The following KCNK1 variants were observed in gnomAD, a reference collection of about 807,000 sequenced individuals.
The protein encoded by KCNK1 is potassium two pore domain channel subfamily K member 1, also known as potassium channel subfamily K member 1.
In KCNK1, 10 loss-of-function variants were observed where a neutral mutation model predicts 22.2. That is an observed-to-expected ratio of 0.45 (90% CI 0.28 to 0.76). The LOEUF is 0.76. KCNK1 is among the 30% of genes least tolerant of loss of function. KCNK1 has a pLI of 0.14. For synonymous variants in KCNK1, 200 were observed against 186.4 expected, an observed-to-expected ratio of 1.07 and a Z score of -0.60; for missense variants, 378 against 421.0, an observed-to-expected ratio of 0.90 and a Z score of 0.89.
At chr1:233,651,027 C>T (rs1262268551) in intron 1 of KCNK1, among the ~76,000 whole-genome samples, 2 of 152,178 alleles carry the variant, frequency 1.3e-5, no homozygotes, top group Admixed American at 1.3e-4. Context: ...TTTAGGACTA[C>T]TTTGCTTTCT....
chr1:233,649,816 G>A (rs1658167125), intron 1 of KCNK1: 1 of 382,340 alleles, frequency 2.6e-6, no homozygotes, highest in Non-Finnish European at 5.4e-6. Context: ...GAAGTTGGGG[G>A]AACACAAACA....
chr1:233,636,695 G>A (rs1309340593), intron 1 of KCNK1: 1 of 152,636 alleles, frequency 6.6e-6, no homozygotes, highest in East Asian at 1.9e-4. Flanking sequence ...TATCTGAACA[G>A]GGAGGAATCG....
intron 1 of KCNK1, among the ~76,000 whole-genome samples, chr1:233,617,131 A>G (rs1229401708): frequency 1.3e-5 from 2 of 152,130 alleles, no homozygotes; most frequent in Admixed American, 6.5e-5. Context: ...CAGTACAGTC[A>G]ATCCTTGACT....
intron 1 of KCNK1, among the ~76,000 whole-genome samples, chr1:233,649,592 A>G (rs967097470): frequency 1.3e-5 from 2 of 152,180 alleles, no homozygotes; most frequent in Non-Finnish European, 2.9e-5. Context: ...AGATCAAGGT[A>G]CTAGAAGCTT....
At chr1:233,671,098 G>T (rs2102914359) in intron 2 of KCNK1, among the ~76,000 whole-genome samples, 173 bp from the exon 3 acceptor site, 1 of 152,140 alleles carries the variant, frequency 6.6e-6, no homozygotes, top group East Asian at 1.9e-4. Context: ...TTTAATAATG[G>T]GTAGTTCCTC....
At chr1:233,631,271 A>G (rs1657786137) in intron 1 of KCNK1, 2 of 531,304 alleles carry the variant, frequency 3.8e-6, no homozygotes, top group African/African-American at 1.9e-5. Flanking sequence ...GTTTCTGACA[A>G]CATCAAGATA....
At chr1:233,646,959 T>G (rs913095670) in intron 1 of KCNK1, among the ~76,000 whole-genome samples, 1 of 152,146 alleles carries the variant, frequency 6.6e-6, no homozygotes, top group Non-Finnish European at 1.5e-5. Flanking sequence ...TTTGAGCCTA[T>G]AGATCTTCCC....
chr1:233,621,621 A>C (rs1372073682), intron 1 of KCNK1, among the ~76,000 whole-genome samples: 2 of 152,202 alleles, frequency 1.3e-5, no homozygotes, highest in Non-Finnish European at 2.9e-5. Flanking sequence ...AAATTCTAGA[A>C]ACATTTCCAC....
chr1:233,650,768 G>A (rs775890192), intron 1 of KCNK1, among the ~76,000 whole-genome samples: 50 of 148,000 alleles, frequency 3.4e-4, no homozygotes, highest in African/African-American at 7.3e-4. Context: ...TCCTCAGCCC[G>A]TTCCCCTAAA....
intron 1 of KCNK1, among the ~76,000 whole-genome samples, chr1:233,661,694 G>A (rs114034450): frequency 3.0e-3 from 460 of 152,244 alleles, no homozygotes; most frequent in Middle Eastern, 0.01. Flanking sequence ...GCAAAATAAC[G>A]GAAGATGTAC....
At chr1:233,657,133 G>T (rs1057104280) in intron 1 of KCNK1, among the ~76,000 whole-genome samples, 2 of 152,198 alleles carry the variant, frequency 1.3e-5, no homozygotes, top group Non-Finnish European at 2.9e-5. Flanking sequence ...TGTCTGGGAG[G>T]ATGGGCAGTG....
chr1:233,632,635 C>T (rs879611032), intron 1 of KCNK1, among the ~76,000 whole-genome samples: 1 of 152,150 alleles, frequency 6.6e-6, no homozygotes, highest in Non-Finnish European at 1.5e-5. Context: ...TCGGTGACCA[C>T]ATAGTGTGTG....
chr1:233,627,785 G>GA (rs928130140), intron 1 of KCNK1, among the ~76,000 whole-genome samples: 2 of 152,040 alleles, frequency 1.3e-5, no homozygotes, highest in African/African-American at 2.4e-5. Flanking sequence ...ATGGAATAAG[G>GA]AAAAAAAACT....
At chr1:233,625,437 A>G (rs904982056) in intron 1 of KCNK1, among the ~76,000 whole-genome samples, 1 of 152,178 alleles carries the variant, frequency 6.6e-6, no homozygotes, top group Non-Finnish European at 1.5e-5. Context: ...TCTGGTCTCT[A>G]GGATCCACCT....
intron 1 of KCNK1, among the ~76,000 whole-genome samples, chr1:233,634,614 T>C (rs186358129): frequency 2.3e-4 from 35 of 152,330 alleles, no homozygotes; most frequent in African/African-American, 7.7e-4. Context: ...GCAGAGTTTT[T>C]AGCAAAGCAG....
At chr1:233,663,286 C>T (rs935517525) in intron 1 of KCNK1, among the ~76,000 whole-genome samples, 1 of 152,128 alleles carries the variant, frequency 6.6e-6, no homozygotes, top group South Asian at 2.1e-4. Flanking sequence ...TTTTTAATCT[C>T]TTAGTGGGAA....
intron 1 of KCNK1, among the ~76,000 whole-genome samples, chr1:233,628,345 A>ACT (rs530538300): frequency 2.8e-4 from 42 of 152,226 alleles, no homozygotes; most frequent in Non-Finnish European, 5.6e-4. Flanking sequence ...CCCATTGGAT[A>ACT]CTATGTTCAC....
rs112350251 is a variant in KCNK1, at chr1:233,642,918, G to A, written c.356-23677G>A. On this transcript the variant is annotated intron_variant, in intron 1 of 2. Coordinates refer to ENST00000366621, the MANE Select transcript of KCNK1 (RefSeq NM_002245.4). The stretch of plus-strand genomic sequence containing the variant: ...TGAGTAGCTGGGACTACAGGCATGC[G>A]CCACCGCACCCGGCTAATTTTTTTT... 8.1e-3 allele frequency among the ~76,000 whole-genome samples: 1,222 copies of A among 150,348 alleles called. 11 individuals carry two copies. Among genetic ancestry groups the A allele is most frequent in the African/African-American group, 0.02 (817 of 40,698 alleles).
At chr1:233,638,397 T>G (rs1657940696) in intron 1 of KCNK1, among the ~76,000 whole-genome samples, 1 of 149,424 alleles carries the variant, frequency 6.7e-6, no homozygotes, top group Non-Finnish European at 1.5e-5. Context: ...TCTTGTTTTT[T>G]GATGACCAAT....
Sources: gnomAD v4.1 joint callset for allele counts (sites outside exome capture counted in the v4.1 genomes callset) on GRCh38, gnomAD v4.1.1 for gene constraint, MANE v1.5 for transcripts, NCBI Gene and HGNC (gene_info 2026-07-23, HGNC 2026-07-21) for gene names.